Variants in FNDC1 observed in about 807,000 individuals in gnomAD.
The protein encoded by FNDC1 is fibronectin type III domain containing 1, also known as fibronectin type III domain-containing protein 1.
A neutral mutation model predicts 168.0 loss-of-function variants in FNDC1; 96 were observed. The observed-to-expected ratio is 0.57, with a 90% CI of 0.48 to 0.68. FNDC1 has a LOEUF of 0.68. Among genes scored for constraint, FNDC1 ranks in the 30% least tolerant of loss-of-function variants. The pLI is 0.00. For synonymous variants in FNDC1, 1,099 were observed against 1,025.9 expected, an observed-to-expected ratio of 1.07 and a Z score of -1.36; for missense variants, 2,587 against 2,482.1, an observed-to-expected ratio of 1.04 and a Z score of -0.90.
chr6:159,257,488 T>C (rs377515178), intron 18 of FNDC1, among the ~76,000 whole-genome samples: 1 of 152,300 alleles, frequency 6.6e-6, no homozygotes, highest in African/African-American at 2.4e-5. Flanking sequence ...ACTGCTGTTG[T>C]GGGGAGCCAC....
chr6:159,207,861 C>T (rs1339667656), intron 4 of FNDC1, among the ~76,000 whole-genome samples: 2 of 152,214 alleles, frequency 1.3e-5, no homozygotes, highest in East Asian at 1.9e-4. Context: ...AATCAAAACT[C>T]TTTGAACTGA....
chr6:159,200,222 G>A (rs1052701636), intron 3 of FNDC1, 140 bp downstream of exon 3: 1 of 688,322 alleles, frequency 1.5e-6, no homozygotes, highest in Non-Finnish European at 2.5e-6. Context: ...TGTATAGCAA[G>A]CTGACAGATT....
At chr6:159,184,949 G>A (rs1781960826) in intron 1 of FNDC1, among the ~76,000 whole-genome samples, 1 of 151,562 alleles carries the variant, frequency 6.6e-6, no homozygotes, top group Non-Finnish European at 1.5e-5. Context: ...CCAACTATAG[G>A]CATTTGCTCT....
At chr6:159,212,367 C>T (rs910152330) in intron 4 of FNDC1, among the ~76,000 whole-genome samples, 1 of 152,012 alleles carries the variant, frequency 6.6e-6, no homozygotes, top group Admixed American at 6.6e-5. Context: ...CACATACAGC[C>T]CAGAGAGAAC....
At position 159,239,606 on chromosome 6, in the gene FNDC1, A is replaced by G. The variant is rs1159021269; in HGVS notation, c.4270A>G (p.Lys1424Glu). ...HGTPLANAQD[K>E]PILSLGGKPL... ...CACACCTCTGGCCAATGCCCAAGAT[A>G]AGCCAATTTTGAGTCTTGGAGGAAA... Residue 1424 changes from lysine (K) to glutamate (E), a missense_variant, in exon 14 of 23, where the codon AAG becomes GAG. Lys to Glu is a moderately conservative substitution (Grantham distance 56). Coordinates refer to ENST00000297267, the MANE Select transcript of FNDC1 (RefSeq NM_032532.3). The G allele has an allele frequency of 1.3e-6, 2 of 1,581,040 alleles. No individual in the cohort carries two copies. Among genetic ancestry groups the G allele is most frequent in the African/African-American group, 2.7e-5 (2 of 74,340 alleles).
chr6:159,258,191 C>T (rs2115023154), intron 18 of FNDC1, among the ~76,000 whole-genome samples: 1 of 152,306 alleles, frequency 6.6e-6, no homozygotes, highest in East Asian at 1.9e-4. Context: ...TCAGTCCTTA[C>T]TACACACTTC....
chr6:159,210,107 G>T (rs563553), intron 4 of FNDC1, among the ~76,000 whole-genome samples: 21,190 of 152,194 alleles, frequency 0.14, 1,727 homozygotes, highest in East Asian at 0.37. Flanking sequence ...CTGTAAGCGG[G>T]GCACATGCAC....
chr6:159,183,378 T>C (rs1300292315), intron 1 of FNDC1, among the ~76,000 whole-genome samples: 5 of 152,216 alleles, frequency 3.3e-5, no homozygotes, highest in Non-Finnish European at 7.3e-5. Context: ...TTTTTTCTGG[T>C]TCTCCTACCA....
Position 159,225,566 on chromosome 6 carries a change from G to T in FNDC1, c.916G>T (p.Glu306Ter). Residue 306 changes from glutamate (E) to a stop codon, truncating the protein, a stop_gained, in exon 8 of 23, where the codon GAA becomes TAA. Transcript: ENST00000297267. LOFTEE classifies it high-confidence loss of function. ...CACCGTGCGCTATCGAGAGAAGGGG[G>T]AATTGGCCAGGTGGGATTATAAGCA... ...QYTVRYREKG[E>*]LARWDYKQIA... 1 of 1,613,698 alleles carries T rather than the reference G, an allele frequency of 6.2e-7. No individual in the cohort carries two copies. The highest frequency in any genetic ancestry group is 8.5e-7 in the Non-Finnish European group (1 of 1,179,712).
Position 159,251,537 on chromosome 6 carries a change from G to T in FNDC1, c.5065+5G>T. 1 of 1,610,702 alleles carries T rather than the reference G, an allele frequency of 6.2e-7. No homozygotes were observed. The highest frequency in any genetic ancestry group is 8.5e-7 in the Non-Finnish European group (1 of 1,177,980). ...CCCCAGGAGATGTGGTCACAGGTGT[G>T]TCCTAAGCAGAAATCAGAGTTCCCA... On this transcript the variant is annotated splice_donor_5th_base_variant and intron_variant, in intron 17 of 22. Coordinates refer to ENST00000297267, the MANE Select transcript of FNDC1 (RefSeq NM_032532.3).
chr6:159,263,180 A>T (rs1356150805), intron 19 of FNDC1, among the ~76,000 whole-genome samples: 1 of 152,194 alleles, frequency 6.6e-6, no homozygotes, highest in Non-Finnish European at 1.5e-5. Context: ...ACTTCAGTTC[A>T]GAGCAGGGGA....
rs1241127158 is a variant in FNDC1 at position 159,223,516 on chromosome 6, T to C, written c.767-12T>C. On this transcript the variant is annotated splice_polypyrimidine_tract_variant and intron_variant, in intron 6 of 22. Coordinates refer to ENST00000297267, the MANE Select transcript of FNDC1 (RefSeq NM_032532.3). ...AGAGAAAGCCTTTCTCTGGGTCTCG[T>C]TGTCATTTCAGAAGAGGACGAATTG... 7 of 1,588,690 alleles carry C rather than the reference T, an allele frequency of 4.4e-6. No homozygotes were observed. The South Asian group carries it at 7.9e-5, about 18-fold the overall frequency.
intron 1 of FNDC1, among the ~76,000 whole-genome samples, chr6:159,187,035 T>G (rs1301408635): frequency 6.6e-6 from 1 of 152,064 alleles, no homozygotes; most frequent in Non-Finnish European, 1.5e-5. Flanking sequence ...GGGGCTGCGG[T>G]GGCTGGAGAG....
intron 4 of FNDC1, among the ~76,000 whole-genome samples, chr6:159,214,534 G>A (rs1782670931): frequency 6.6e-6 from 1 of 152,174 alleles, no homozygotes; most frequent in African/African-American, 2.4e-5. Flanking sequence ...CAGTGAAAAA[G>A]CTTTCTGGAG....
chr6:159,243,484 G>T (rs423533), intron 14 of FNDC1, among the ~76,000 whole-genome samples: 128,473 of 152,188 alleles, frequency 0.84, 54,692 homozygotes, highest in Non-Finnish European at 0.9. Flanking sequence ...AAAATATTTT[G>T]TAATATCTCT....
Position 159,239,775 on chromosome 6 carries a change from G to A in FNDC1, c.4439G>A (p.Arg1480His), listed in dbSNP as rs369808729. 3.3e-6 allele frequency: 5 copies of A among 1,528,718 alleles called. No homozygotes were observed. In the African/African-American group the frequency reaches 5.6e-5, roughly 17 times the overall value. The allele number at this position is 1,528,718 out of a possible 1,614,324, so 94.7% of individuals were successfully genotyped here. Reference sequence around the variant, plus strand: ...ACCACCCGCCGCACGACCACCACCCGCCGCACGACCACCAGGCGTCCAACA... The same window carrying A: ...ACCACCCGCCGCACGACCACCACCCACCGCACGACCACCAGGCGTCCAACA... ...TATTRRTTTT[R>H]RTTTRRPTTT... Residue 1480 changes from arginine (R) to histidine (H), a missense_variant, in exon 14 of 23, where the codon CGC (arginine) becomes CAC (histidine). Arg to His is a conservative substitution (Grantham distance 29). Transcript: ENST00000297267.
intron 1 of FNDC1, among the ~76,000 whole-genome samples, chr6:159,195,229 G>T (rs1211866343): frequency 1.3e-5 from 2 of 152,126 alleles, no homozygotes; most frequent in African/African-American, 2.4e-5. Context: ...CCATTAGAAA[G>T]TCACTCCTCT....
At chr6:159,227,533 T>C (rs1482588934) in intron 9 of FNDC1, among the ~76,000 whole-genome samples, 1 of 152,154 alleles carries the variant, frequency 6.6e-6, no homozygotes, top group African/African-American at 2.4e-5. Flanking sequence ...ATGTAGGATG[T>C]CTTTTCTTGG....
At chr6:159,214,055 T>A (rs1042746492) in intron 4 of FNDC1, among the ~76,000 whole-genome samples, 2 of 152,216 alleles carry the variant, frequency 1.3e-5, no homozygotes, top group South Asian at 4.1e-4. Flanking sequence ...AATGTATATA[T>A]GGAGGAAGAA....
Sources: allele counts gnomAD v4.1 joint callset (sites outside exome capture counted in the v4.1 genomes callset), GRCh38; gene constraint gnomAD v4.1.1; transcripts MANE v1.5; gene names NCBI Gene and HGNC (gene_info 2026-07-23, HGNC 2026-07-21).